GRID1: variants seen among roughly 807,000 people sequenced by gnomAD.
GRID1 encodes the protein glutamate ionotropic receptor delta type subunit 1.
A neutral mutation model predicts 98.0 loss-of-function variants in GRID1; 28 were observed. The ratio of observed to expected loss-of-function variants is 0.29; its 90% CI spans 0.21 to 0.39. The LOEUF (loss-of-function observed/expected upper bound fraction) is 0.39. Among genes scored for constraint, GRID1 ranks in the 10% least tolerant of loss-of-function variants. GRID1 has a pLI of 1.00. For synonymous variants in GRID1, 553 were observed against 538.5 expected (o/e 1.03, Z -0.37); for missense variants, 1,111 against 1,340.5 (o/e 0.83, Z 2.67).
intron 3 of GRID1, among the ~76,000 whole-genome samples, chr10:86,168,562 G>C (rs1206845853): frequency 1.3e-5 from 2 of 152,168 alleles, no homozygotes; most frequent in Non-Finnish European, 2.9e-5. Flanking sequence ...CCTCTGCCAG[G>C]TGTGGGAAGG....
intron 8 of GRID1, among the ~76,000 whole-genome samples, chr10:85,853,127 G>A (rs566102772): frequency 1.7e-3 from 263 of 151,802 alleles, no homozygotes; most frequent in Middle Eastern, 0.014. Context: ...TGCCCCATCT[G>A]TCACTGATGA....
chr10:85,814,583 A>C (rs1427138108), intron 8 of GRID1, among the ~76,000 whole-genome samples: 1 of 151,940 alleles, frequency 6.6e-6, no homozygotes, highest in Admixed American at 6.6e-5. Context: ...AACACAAACT[A>C]CTAACATCTG....
chr10:85,756,556 C>T (rs1324273507), intron 8 of GRID1, among the ~76,000 whole-genome samples: 4 of 152,178 alleles, frequency 2.6e-5, no homozygotes, highest in African/African-American at 9.7e-5. Context: ...AGTGTGAATA[C>T]GCTGGACAAA....
At chr10:86,105,385 C>T (rs766567531) in intron 4 of GRID1, among the ~76,000 whole-genome samples, 7 of 152,138 alleles carry the variant, frequency 4.6e-5, no homozygotes, top group Non-Finnish European at 1.0e-4. Flanking sequence ...AGCACAGAGC[C>T]GGTCAGAAGC....
intron 3 of GRID1, among the ~76,000 whole-genome samples, chr10:86,181,719 A>C (rs1049930553): frequency 1.3e-5 from 2 of 152,218 alleles, no homozygotes; most frequent in African/African-American, 2.4e-5. Flanking sequence ...TATGGGGTCT[A>C]TGAGCCCAGG....
chr10:85,829,582 G>A (rs903676530), intron 8 of GRID1, among the ~76,000 whole-genome samples: 4 of 152,096 alleles, frequency 2.6e-5, no homozygotes, highest in Admixed American at 2.6e-4. Flanking sequence ...TCCTTGATCT[G>A]ATAGTCAATT....
chr10:86,002,753 A>C (rs984992260), intron 4 of GRID1, among the ~76,000 whole-genome samples: 16 of 152,338 alleles, frequency 1.1e-4, no homozygotes, highest in Middle Eastern at 3.4e-3. Flanking sequence ...TACAGATACA[A>C]AAGTGGCATT....
rs575101031 is a variant in GRID1 at position 85,905,680 on chromosome 10, A to C, written c.780+10506T>G. Among the ~76,000 whole-genome samples, 10 of 152,288 alleles carry C rather than the reference A, an allele frequency of 6.6e-5. No individual in the cohort carries two copies. In the East Asian group the frequency reaches 1.5e-3, roughly 24 times the overall value. On this transcript the variant is annotated intron_variant, in intron 5 of 15. Coordinates refer to ENST00000327946, the MANE Select transcript of GRID1 (RefSeq NM_017551.3). Reference sequence around the variant, plus strand: ...TGAAATATATGTGGTGTAGTATAATATCACTTAAAAGTAGATGGTGGTGAA... The same window carrying C: ...TGAAATATATGTGGTGTAGTATAATCTCACTTAAAAGTAGATGGTGGTGAA...
intron 8 of GRID1, among the ~76,000 whole-genome samples, chr10:85,761,431 T>G (rs1842145922): frequency 1.3e-5 from 2 of 152,222 alleles, no homozygotes; most frequent in Non-Finnish European, 2.9e-5. Context: ...GCCCTTTCTA[T>G]GCAGGTGCTG....
chr10:86,181,713 G>T (rs1012079340), intron 3 of GRID1, among the ~76,000 whole-genome samples: 3 of 152,122 alleles, frequency 2.0e-5, no homozygotes, highest in African/African-American at 4.8e-5. Context: ...GGAGCTTATG[G>T]GGTCTATGAG....
intron 5 of GRID1, among the ~76,000 whole-genome samples, chr10:85,895,014 A>ATATATATATAT (rs1322282990): frequency 7.1e-4 from 77 of 108,628 alleles, no homozygotes; most frequent in African/African-American, 2.6e-3. Flanking sequence ...AAAAAAAAAA[A>ATATATATATAT]AAATATATAT....
At chr10:85,925,462 T>C (rs1841761808) in intron 4 of GRID1, among the ~76,000 whole-genome samples, 1 of 152,224 alleles carries the variant, frequency 6.6e-6, no homozygotes, top group Admixed American at 6.5e-5. Flanking sequence ...AACAATCTCA[T>C]GACTCGGTCC....
rs1841199103 is a variant in GRID1, at chr10:85,891,441, T to C, written c.781-22261A>G. 3.3e-5 allele frequency among the ~76,000 whole-genome samples: 5 copies of C among 152,300 alleles called. No individual in the cohort carries two copies. In the East Asian group the frequency reaches 5.8e-4, roughly 18 times the overall value. On this transcript the variant is annotated intron_variant, in intron 5 of 15. Coordinates refer to ENST00000327946, the MANE Select transcript of GRID1 (RefSeq NM_017551.3). ...AAAAACATACATTCAGAAGGAAATA[T>C]AGCATGATAATTAAGAGTGCAAATG...
intron 8 of GRID1, among the ~76,000 whole-genome samples, chr10:85,751,093 G>C (rs1322218080): frequency 6.6e-6 from 1 of 152,016 alleles, no homozygotes; most frequent in Non-Finnish European, 1.5e-5. Flanking sequence ...ATGAGATGAG[G>C]GAGATTCTAG....
At chr10:85,692,842 A>C (rs1203570987) in intron 12 of GRID1, among the ~76,000 whole-genome samples, 1 of 152,198 alleles carries the variant, frequency 6.6e-6, no homozygotes, top group East Asian at 1.9e-4. Context: ...AGCTACAGGA[A>C]GTAACTGTAC....
At position 85,722,947 on chromosome 10, in the gene GRID1, T is replaced by C. The variant is rs1023223144; in HGVS notation, c.1997+56A>G. Reference sequence around the variant, plus strand: ...CCACACTGCCCTGGAAAGGTTTACATCCTCTTTAAAGCCTCTCTGAGCTGC... The same window carrying C: ...CCACACTGCCCTGGAAAGGTTTACACCCTCTTTAAAGCCTCTCTGAGCTGC... On this transcript the variant is annotated intron_variant, in intron 12 of 15. Transcript: ENST00000327946. 3.3e-6 allele frequency: 5 copies of C among 1,513,806 alleles called. No homozygotes were observed. In the East Asian group the frequency reaches 1.2e-4, roughly 36 times the overall value. The allele number at this position is 1,513,806 out of a possible 1,614,324, so 93.8% of individuals were successfully genotyped here.
chr10:85,975,708 C>CAACTCAG (rs1842463907), intron 4 of GRID1, among the ~76,000 whole-genome samples: 6 of 152,084 alleles, frequency 3.9e-5, no homozygotes, highest in African/African-American at 1.4e-4. Flanking sequence ...TCCAAGTTGC[C>CAACTCAG]CTCTTTCAAC....
chr10:86,130,790 T>G (rs1039535397), intron 4 of GRID1, among the ~76,000 whole-genome samples: 3 of 152,192 alleles, frequency 2.0e-5, no homozygotes, highest in African/African-American at 7.2e-5. Flanking sequence ...TGGTTAACGC[T>G]TAAGCCATCT....
chr10:85,894,694 A>G (rs1305532404), intron 5 of GRID1, among the ~76,000 whole-genome samples: 3 of 152,168 alleles, frequency 2.0e-5, no homozygotes, highest in African/African-American at 7.2e-5. Context: ...ACTTTTGCTC[A>G]GATCTAGAGC....
Sources: gnomAD v4.1 joint callset for allele counts (sites outside exome capture counted in the v4.1 genomes callset) on GRCh38, gnomAD v4.1.1 for gene constraint, MANE v1.5 for transcripts, NCBI Gene and HGNC (gene_info 2026-07-23, HGNC 2026-07-21) for gene names.